The following ADARB2 variants were observed in gnomAD, a reference collection of about 807,000 sequenced individuals.
The protein encoded by ADARB2 is inactive double-stranded RNA-specific editase B2.
A neutral mutation model predicts 62.2 loss-of-function variants in ADARB2; 25 were observed. That is an observed-to-expected ratio of 0.40 (90% confidence interval 0.29 to 0.56). ADARB2 has a LOEUF of 0.56. ADARB2 is among the 20% of genes least tolerant of loss of function. The pLI is 0.43. For synonymous variants in ADARB2, 572 were observed against 500.8 expected, an observed-to-expected ratio of 1.14 and a Z score of -1.90; for missense variants, 1,071 against 1,077.4, an observed-to-expected ratio of 0.99 and a Z score of 0.08.
At chr10:1,663,178 G>C (rs1027500274) in intron 1 of ADARB2, among the ~76,000 whole-genome samples, 3 of 152,240 alleles carry the variant, frequency 2.0e-5, no homozygotes, top group Non-Finnish European at 2.9e-5. Context: ...GAAAAGTTGA[G>C]CAGAAAGTAC....
intron 3 of ADARB2, among the ~76,000 whole-genome samples, chr10:1,303,973 G>C (rs1831600697): frequency 6.6e-6 from 1 of 152,104 alleles, no homozygotes; most frequent in African/African-American, 2.4e-5. Context: ...CAACTAATGA[G>C]CAAAATAACC....
intron 8 of ADARB2, among the ~76,000 whole-genome samples, chr10:1,193,470 CT>C (rs1390319583): frequency 4.6e-5 from 7 of 152,164 alleles, no homozygotes; most frequent in Non-Finnish European, 1.0e-4. Flanking sequence ...GGGTCTTTTG[CT>C]GTTCCAAATT....
chr10:1,572,494 G>A (rs957543205), intron 1 of ADARB2, among the ~76,000 whole-genome samples: 3 of 152,282 alleles, frequency 2.0e-5, no homozygotes, highest in Admixed American at 6.5e-5. Context: ...CTGTGAGGGT[G>A]TTTGTTTTGT....
At position 1,353,971 on chromosome 10, in the gene ADARB2, G is replaced by C. The variant is rs112260916; in HGVS notation, c.1077+9057C>G. Among the ~76,000 whole-genome samples the C allele has an allele frequency of 6.5e-3, 983 of 152,008 alleles. 15 individuals carry two copies. Among genetic ancestry groups the C allele is most frequent in the African/African-American group, 0.022 (922 of 41,420 alleles). ...TAACAGAGGTTGCTCGTAGACACTCGAACAAAACCGTATCCAGGCCATCAC... is the reference window on the plus strand; with the variant it reads ...TAACAGAGGTTGCTCGTAGACACTCCAACAAAACCGTATCCAGGCCATCAC... On this transcript the variant is annotated intron_variant, in intron 3 of 9. Coordinates refer to ENST00000381312, the MANE Select transcript of ADARB2 (RefSeq NM_018702.4).
At chr10:1,591,006 G>T (rs930580730) in intron 1 of ADARB2, among the ~76,000 whole-genome samples, 2 of 152,224 alleles carry the variant, frequency 1.3e-5, no homozygotes, top group East Asian at 1.9e-4. Context: ...CTAATGCCAC[G>T]CTGGGCTCCG....
intron 4 of ADARB2, among the ~76,000 whole-genome samples, chr10:1,269,425 G>C (rs569023405): frequency 4.6e-5 from 7 of 152,324 alleles, no homozygotes; most frequent in African/African-American, 1.7e-4. Context: ...TTTGTAAATA[G>C]TGCCATTACC....
chr10:1,379,381 C>T (rs1832462175), intron 1 of ADARB2, among the ~76,000 whole-genome samples: 1 of 152,094 alleles, frequency 6.6e-6, no homozygotes, highest in Non-Finnish European at 1.5e-5. Flanking sequence ...CTTCTTTCTC[C>T]TTCTCTTATT....
chr10:1,583,162 C>T (rs552579363), intron 1 of ADARB2, among the ~76,000 whole-genome samples: 1 of 151,822 alleles, frequency 6.6e-6, no homozygotes, highest in South Asian at 2.1e-4. Flanking sequence ...TTGACCTATT[C>T]TGCCTCCACA....
chr10:1,233,379 T>C (rs549130395), intron 6 of ADARB2, among the ~76,000 whole-genome samples: 1 of 152,278 alleles, frequency 6.6e-6, no homozygotes, highest in African/African-American at 2.4e-5. Flanking sequence ...CCTGCGTAAC[T>C]CTCACTGGCC....
intron 1 of ADARB2, among the ~76,000 whole-genome samples, chr10:1,579,428 G>T (rs947574462): frequency 6.6e-6 from 1 of 152,178 alleles, no homozygotes; most frequent in African/African-American, 2.4e-5. Context: ...TTAATCATCA[G>T]TTGGTCGGAA....
intron 1 of ADARB2, among the ~76,000 whole-genome samples, chr10:1,470,792 A>G (rs1011763992): frequency 1.3e-5 from 2 of 152,108 alleles, no homozygotes; most frequent in Admixed American, 1.3e-4. Context: ...TAATCCCAGC[A>G]CTTTGGGAGG....
At chr10:1,206,556 G>A (rs1837070413) in intron 7 of ADARB2, among the ~76,000 whole-genome samples, 1 of 152,230 alleles carries the variant, frequency 6.6e-6, no homozygotes, top group Non-Finnish European at 1.5e-5. Context: ...TGCGGTCTGA[G>A]AGAACTGCGG....
chr10:1,428,292 ATT>A (rs55975325), intron 1 of ADARB2, among the ~76,000 whole-genome samples: 30 of 128,172 alleles, frequency 2.3e-4, no homozygotes, highest in African/African-American at 3.9e-4. Flanking sequence ...TTTTATGCCT[ATT>A]TTTTTTTTTT....
intron 1 of ADARB2, among the ~76,000 whole-genome samples, chr10:1,622,851 C>T (rs1030252587): frequency 6.6e-5 from 10 of 152,276 alleles, no homozygotes; most frequent in South Asian, 4.1e-4. Context: ...AATGAAAACA[C>T]GTCCACGCAA....
intron 1 of ADARB2, among the ~76,000 whole-genome samples, chr10:1,480,515 G>A (rs1378198120): frequency 1.3e-5 from 2 of 152,154 alleles, no homozygotes; most frequent in African/African-American, 4.8e-5. Context: ...TGGCTAACAT[G>A]GTGAAACCCC....
At chr10:1,504,704 G>A (rs955552176) in intron 1 of ADARB2, among the ~76,000 whole-genome samples, 2 of 152,170 alleles carry the variant, frequency 1.3e-5, no homozygotes, top group Admixed American at 6.5e-5. Context: ...GAAAAACAAT[G>A]ACCTTGAAGT....
intron 3 of ADARB2, chr10:1,292,382 A>G (rs1831474347): frequency 6.6e-6 from 1 of 152,222 alleles, no homozygotes; most frequent in African/African-American, 2.4e-5. Flanking sequence ...TTGTCACTCT[A>G]CTGTGAAGCC....
At chr10:1,530,914 T>TCTCAGCA (rs1428025605) in intron 1 of ADARB2, among the ~76,000 whole-genome samples, 1 of 151,100 alleles carries the variant, frequency 6.6e-6, no homozygotes, top group East Asian at 1.9e-4. Context: ...AGCACTCAGG[T>TCTCAGCA]CTCAGCACTC....
intron 3 of ADARB2, among the ~76,000 whole-genome samples, chr10:1,333,667 A>T (rs932272946): frequency 1.5e-4 from 23 of 152,198 alleles, no homozygotes; most frequent in African/African-American, 5.5e-4. Context: ...CTGGGGAAAG[A>T]GACGATGATG....
Sources: allele counts gnomAD v4.1 joint callset (sites outside exome capture counted in the v4.1 genomes callset), GRCh38; gene constraint gnomAD v4.1.1; transcripts MANE v1.5; gene names NCBI Gene and HGNC (gene_info 2026-07-23, HGNC 2026-07-21).